ZFHX2: variants seen among roughly 807,000 people sequenced by gnomAD.
The protein encoded by ZFHX2 is zinc finger homeobox 2, also known as zinc finger homeobox protein 2.
Under a neutral mutation model 164.8 loss-of-function variants are expected in ZFHX2, and 75 were observed. The observed-to-expected ratio is 0.46, with a 90% confidence interval of 0.38 to 0.55. The LOEUF (loss-of-function observed/expected upper bound fraction) is 0.55. Among genes scored for constraint, ZFHX2 ranks in the 20% least tolerant of loss-of-function variants. The pLI is 0.00. For missense variants in ZFHX2, 2,933 were observed against 3,308.0 expected, an observed-to-expected ratio of 0.89 and a Z score of 2.78; for synonymous variants, 1,217 against 1,351.4, an observed-to-expected ratio of 0.90 and a Z score of 2.18.
chr14:23,531,666 C>T lies in ZFHX2; in HGVS notation c.2615G>A (p.Cys872Tyr). The change falls in exon 4 of 10, where the codon TGC (cysteine) becomes TAC (tyrosine). Residue 872 changes from cysteine to tyrosine, a missense_variant. Coordinates refer to ENST00000419474, the MANE Select transcript of ZFHX2 (RefSeq NM_033400.3). ...EAGAELGLYHCLLCAWETPSR... is the reference protein window; with the variant it reads ...EAGAELGLYHYLLCAWETPSR... Reference sequence around the variant, plus strand: ...GGGTGTCTCCCACGCACACAACAGGCAGTGGTATAGCCCCAGCTCTGCCCC... The same window carrying T: ...GGGTGTCTCCCACGCACACAACAGGTAGTGGTATAGCCCCAGCTCTGCCCC... 1 of 1,494,770 alleles carries T rather than the reference C, an allele frequency of 6.7e-7. No homozygotes were observed. Among genetic ancestry groups the T allele is most frequent in the Non-Finnish European group, 8.9e-7 (1 of 1,122,516 alleles). 92.6% of individuals were successfully genotyped at this position (1,494,770 alleles called of 1,614,324 possible). A position where few individuals can be genotyped will look rare whatever the true frequency, so the allele number is the denominator to read the frequency against.
In ZFHX2 at chr14:23,524,661, C is replaced by A. The variant is rs192759008; in HGVS notation, c.5281G>T (p.Ala1761Ser). ...KAGGKEPEEK[A>S]TPSPSPAHTC... ...TGGGCTGGGGAAGGTGATGGAGTAG[C>A]CTTCTCTTCAGGCTCTTTGCCTCCT... Residue 1761 changes from alanine to serine, a missense_variant, in exon 9 of 10, where the codon GCT (alanine) becomes TCT (serine). Coordinates refer to ENST00000419474, the MANE Select transcript of ZFHX2 (RefSeq NM_033400.3). The surrounding 1 kb of genome is among the most constrained non-coding windows in gnomAD (Gnocchi z 5.6). The A allele has an allele frequency of 1.3e-6, 2 of 1,536,280 alleles. No individual in the cohort carries two copies. Among genetic ancestry groups the A allele is most frequent in the Non-Finnish European group, 1.7e-6 (2 of 1,146,906 alleles).
At chr14:23,553,417 T>C (rs772456508), upstream of ZFHX2, among the ~76,000 whole-genome samples, 2 of 148,780 alleles carry the variant, frequency 1.3e-5, no homozygotes, top group South Asian at 2.1e-4. Flanking sequence ...CTGACCAACA[T>C]GGTGAAACCC....
chr14:23,546,698 G>A lies in ZFHX2; in HGVS notation c.-50+4645C>T, dbSNP rs141757897. Among the ~76,000 whole-genome samples, 132 of 152,290 alleles carry A rather than the reference G, an allele frequency of 8.7e-4. 1 individual carries two copies. The Middle Eastern group carries it at 0.024, about 27-fold the overall frequency. On this transcript the variant is annotated intron_variant, in intron 1 of 9. Transcript: ENST00000419474. This position sits in a 1 kb window ranked among gnomAD's most constrained non-coding sequence, Gnocchi z 4.7. ...TGGGAAAGTGGGTGGTGGGCTGACCGAGCTTAGTGTGAGGAGCTCGAGAAG... is the reference window on the plus strand; with the variant it reads ...TGGGAAAGTGGGTGGTGGGCTGACCAAGCTTAGTGTGAGGAGCTCGAGAAG...
rs1298535589 is a variant in ZFHX2 at position 23,525,355 on chromosome 14, G to A, written c.4587C>T (p.Pro1529=). Residue 1529 remains proline (P), a synonymous_variant, in exon 9 of 10, where the codon CCC becomes CCT. Coordinates refer to ENST00000419474, the MANE Select transcript of ZFHX2 (RefSeq NM_033400.3). The surrounding 1 kb of genome is among the most constrained non-coding windows in gnomAD (Gnocchi z 5.9). The part of the protein sequence containing the change: ...FRKSYDSLYP[P]LAEPPKPPDG... ...CAGGAGGTTTGGGAGGCTCTGCAAG[G>A]GGCGGGTATAGGCTGTCATAGCTCT... is the stretch of plus-strand genomic sequence containing the variant. The A allele has an allele frequency of 6.5e-7, 1 of 1,536,150 alleles. No individual in the cohort carries two copies. Among genetic ancestry groups the A allele is most frequent in the South Asian group, 1.2e-5 (1 of 84,058 alleles).
In ZFHX2 at chr14:23,522,694, G is replaced by T; in HGVS notation, c.6987C>A (p.Asn2329Lys). 1 of 1,536,632 alleles carries T rather than the reference G, an allele frequency of 6.5e-7. No homozygotes were observed. Among genetic ancestry groups the T allele is most frequent in the Non-Finnish European group, 8.7e-7 (1 of 1,146,956 alleles). The change falls in exon 10 of 10, where the codon AAC becomes AAA. Residue 2329 changes from asparagine (N) to lysine (K), a missense_variant. Physicochemically the swap from Asn to Lys is moderately conservative, Grantham distance 94. Transcript: ENST00000419474. ...GGACAGTGGTCTTCAATGCTTTGAG[G>T]TTCTTGAGGGCATCATTGGAGGAGC... ...PTSSSNDALK[N>K]LKALKTTVPA...
chr14:23,522,461 G>T lies in ZFHX2; in HGVS notation c.7220C>A (p.Pro2407His). Reference protein sequence around the residue: ...PNALLQPPPQPPEPTATAPPK... With the variant: ...PNALLQPPPQHPEPTATAPPK... ...AGGTGCTGTGGCTGTGGGCTCAGGG[G>T]GCTGGGGTGGCGGCTGGAGGAGGGC... is the stretch of plus-strand genomic sequence containing the variant. Residue 2407 changes from proline to histidine, a missense_variant, in exon 10 of 10, where the codon CCC becomes CAC. Pro to His is a moderately conservative substitution (Grantham distance 77). Coordinates refer to ENST00000419474, the MANE Select transcript of ZFHX2 (RefSeq NM_033400.3). 2.0e-6 allele frequency: 3 copies of T among 1,536,132 alleles called. No homozygotes were observed. Among genetic ancestry groups the T allele is most frequent in the Non-Finnish European group, 2.6e-6 (3 of 1,146,736 alleles).
chr14:23,535,245 G>A lies in ZFHX2; in HGVS notation c.81C>T (p.Thr27=), dbSNP rs1426395410. 2.6e-6 allele frequency: 4 copies of A among 1,515,932 alleles called. No individual in the cohort carries two copies. Among genetic ancestry groups the A allele is most frequent in the South Asian group, 1.2e-5 (1 of 82,372 alleles). The allele number at this position is 1,515,932 out of a possible 1,614,324, so 93.9% of individuals were successfully genotyped here. The change falls in exon 2 of 10, where the codon ACC becomes ACT. Residue 27 remains threonine, a synonymous_variant. Transcript: ENST00000419474. This position sits in a 1 kb window ranked among gnomAD's most constrained non-coding sequence, Gnocchi z 4.5. The part of the protein sequence containing the change: ...GHNAPSLPSD[T]FSSSTPSDPV... ...GATCAGAGGGGGTGCTGGAGGAGAA[G>A]GTGTCCGAAGGCAGGGACGGGGCAT...
chr14:23,534,229 G>A lies in ZFHX2; in HGVS notation c.1097C>T (p.Ala366Val). 6.6e-7 allele frequency: 1 copy of A among 1,516,474 alleles called. No homozygotes were observed. The allele number at this position is 1,516,474 out of a possible 1,614,324, so 93.9% of individuals were successfully genotyped here. Reference sequence around the variant, plus strand: ...CCAATCTGGCCCTGCCTCGCCTGCTGCTACTGGCGATTCTTTGGCTTGGGT... The same window carrying A: ...CCAATCTGGCCCTGCCTCGCCTGCTACTACTGGCGATTCTTTGGCTTGGGT... ...SPTQAKESPVAAGEAGPDWFP... is the reference protein window; with the variant it reads ...SPTQAKESPVVAGEAGPDWFP... Residue 366 changes from alanine to valine, a missense_variant, in exon 2 of 10, where the codon GCA becomes GTA. By Grantham distance (64) the Ala-to-Val change is moderately conservative. Coordinates refer to ENST00000419474, the MANE Select transcript of ZFHX2 (RefSeq NM_033400.3). This position sits in a 1 kb window ranked among gnomAD's most constrained non-coding sequence, Gnocchi z 4.5.
chr14:23,540,852 C>T (rs1880724360), intron 1 of ZFHX2, among the ~76,000 whole-genome samples: 1 of 152,178 alleles, frequency 6.6e-6, no homozygotes, highest in Non-Finnish European at 1.5e-5. Context: ...CAGAGTGGAG[C>T]ATGGTGTTTG....
In ZFHX2 at chr14:23,525,558, C is replaced by T. The variant is rs1290328123; in HGVS notation, c.4384G>A (p.Val1462Met). The stretch of plus-strand genomic sequence containing the variant: ...GGGGGTGGGGTAGGGGGAGGGGGCA[C>T]AGCTTGCTTCCCTTCATTGTACTGG... ...VIQYNEGKQAVPPPPTPPPPE... is the reference protein window; with the variant it reads ...VIQYNEGKQAMPPPPTPPPPE... Residue 1462 changes from valine (V) to methionine (M), a missense_variant, in exon 9 of 10, where the codon GTG (valine) becomes ATG (methionine). Coordinates refer to ENST00000419474, the MANE Select transcript of ZFHX2 (RefSeq NM_033400.3). The surrounding 1 kb of genome is among the most constrained non-coding windows in gnomAD (Gnocchi z 5.9). 6.5e-7 allele frequency: 1 copy of T among 1,535,158 alleles called. No homozygotes were observed. The highest frequency in any genetic ancestry group is 8.7e-7 in the Non-Finnish European group (1 of 1,146,800).
chr14:23,523,155 GA>G lies in ZFHX2; in HGVS notation c.6739+47del, dbSNP rs754756492. On this transcript the variant is annotated intron_variant, in intron 9 of 9. Coordinates refer to ENST00000419474, the MANE Select transcript of ZFHX2 (RefSeq NM_033400.3). This position sits in a 1 kb window ranked among gnomAD's most constrained non-coding sequence, Gnocchi z 4.1. ...AAGGAAAAGGAAGGGCATGTCATTA[GA>G]GGGGGATGTTCTCTGAAGTCCAGCT... 2.1e-6 allele frequency: 3 copies of G among 1,411,214 alleles called. No homozygotes were observed. Among genetic ancestry groups the G allele is most frequent in the Non-Finnish European group, 2.8e-6 (3 of 1,088,406 alleles). The allele number at this position is 1,411,214 out of a possible 1,614,324, so 87.4% of individuals were successfully genotyped here.
intron 9 of ZFHX2, 45 bp from the exon 10 acceptor site, chr14:23,522,986 C>T (rs1288747200): frequency 2.8e-6 from 4 of 1,425,856 alleles, no homozygotes; most frequent in East Asian, 2.5e-5. Context: ...ATCTCCTGTC[C>T]CATCATTCTT....
Position 23,521,773 on chromosome 14 carries a change from G to A in ZFHX2, c.*189C>T. 1.0e-6 allele frequency: 1 copy of A among 1,001,982 alleles called. No homozygotes were observed. The highest frequency in any genetic ancestry group is 1.4e-6 in the Non-Finnish European group (1 of 708,682). 62.1% of individuals were successfully genotyped at this position (1,001,982 alleles called of 1,614,324 possible). On this transcript the variant is annotated 3_prime_UTR_variant, in exon 10 of 10. Coordinates refer to ENST00000419474, the MANE Select transcript of ZFHX2 (RefSeq NM_033400.3). ...GAGGATCAATGTGTGTGTCTGTGGG[G>A]ATTGGGAGGAGGCAGGACTCTGCTG...
chr14:23,531,607 G>T lies in ZFHX2; in HGVS notation c.2674C>A (p.Pro892Thr), dbSNP rs1347171394. Residue 892 changes from proline to threonine, a missense_variant, in exon 4 of 10, where the codon CCT (proline) becomes ACT (threonine). Physicochemically the swap from Pro to Thr is conservative, Grantham distance 38. Coordinates refer to ENST00000419474, the MANE Select transcript of ZFHX2 (RefSeq NM_033400.3). ...RLAVLQHLRT[P>T]AHRDAQAQRR... ...TGGGCCTGGGCATCGCGGTGGGCAG[G>T]TGTGCGCAGGTGTTGCAGCACAGCC... 1.3e-6 allele frequency: 2 copies of T among 1,525,068 alleles called. No individual in the cohort carries two copies. The highest frequency in any genetic ancestry group is 1.8e-6 in the Non-Finnish European group (2 of 1,140,190). 94.5% of individuals were successfully genotyped at this position (1,525,068 alleles called of 1,614,324 possible). A position where few individuals can be genotyped will look rare whatever the true frequency, so the allele number is the denominator to read the frequency against.
Position 23,527,925 on chromosome 14 carries a change from T to C in ZFHX2, c.2935-121A>G, listed in dbSNP as rs953369299. ...CCTTTTTTTTTTTTTTTTTTTTTTT[T>C]AGATGGAGTCTGGCTCTGTCACCCA... On this transcript the variant is annotated intron_variant, in intron 6 of 9. Transcript: ENST00000419474. The C allele has an allele frequency of 6.7e-6, 5 of 749,392 alleles. No homozygotes were observed. The South Asian group carries it at 7.5e-5, about 11-fold the overall frequency. 46.4% of individuals were successfully genotyped at this position (749,392 alleles called of 1,614,324 possible).
At chr14:23,554,868 T>G (rs1165887715), upstream of ZFHX2, among the ~76,000 whole-genome samples, 1 of 152,142 alleles carries the variant, frequency 6.6e-6, no homozygotes, top group Non-Finnish European at 1.5e-5. Flanking sequence ...ACATGGAAGG[T>G]CAGACATATA....
In ZFHX2 at chr14:23,526,194, A is replaced by T. The variant is rs2138691325; in HGVS notation, c.3748T>A (p.Cys1250Ser). Residue 1250 changes from cysteine (C) to serine (S), a missense_variant, in exon 9 of 10, where the codon TGC (cysteine) becomes AGC (serine). By Grantham distance (112) the Cys-to-Ser change is moderately radical. Transcript: ENST00000419474. ...TTGTAGGAGACTCTGCAGACTGTGC[A>T]CTTAAAGGGCTTGTCTGTGGCAGCA... The part of the protein sequence containing the change: ...TTAATDKPFK[C>S]TVCRVSYNQS... The T allele has an allele frequency of 6.5e-7, 1 of 1,536,480 alleles. No homozygotes were observed. The highest frequency in any genetic ancestry group is 2.4e-5 in the East Asian group (1 of 40,898).
In ZFHX2 at chr14:23,535,291, G is replaced by A; in HGVS notation, c.35C>T (p.Thr12Ile). 6.8e-7 allele frequency: 1 copy of A among 1,476,944 alleles called. No homozygotes were observed. Among genetic ancestry groups the A allele is most frequent in the Non-Finnish European group, 9.0e-7 (1 of 1,113,542 alleles). The allele number at this position is 1,476,944 out of a possible 1,614,324, so 91.5% of individuals were successfully genotyped here. ...ATLNSASTTGTTPSPGHNAPS... is the reference protein window; with the variant it reads ...ATLNSASTTGITPSPGHNAPS... ...GGCATTGTGCCCAGGGGAGGGGGTG[G>A]TACCAGTGGTAGAGGCTGAGTTAAG... The change falls in exon 2 of 10, where the codon ACC becomes ATC. Residue 12 changes from threonine (T) to isoleucine (I), a missense_variant. By Grantham distance (89) the Thr-to-Ile change is moderately conservative (BLOSUM62 -1). Transcript: ENST00000419474. The surrounding 1 kb of genome is among the most constrained non-coding windows in gnomAD (Gnocchi z 4.5).
In ZFHX2 at chr14:23,527,710, C is replaced by T; in HGVS notation, c.3029G>A (p.Arg1010Lys). The stretch of plus-strand genomic sequence containing the variant: ...CAGCTGTTCCTGGCACAGTGGGCAT[C>T]TGTACTTGGGCTGCACTGCATGCTG... Reference protein sequence around the residue: ...LSQHAVQPKYRCPLCQEQLVG... With the variant: ...LSQHAVQPKYKCPLCQEQLVG... Residue 1010 changes from arginine to lysine, a missense_variant, in exon 7 of 10, where the codon AGA becomes AAA. Physicochemically the swap from Arg to Lys is conservative, Grantham distance 26. Coordinates refer to ENST00000419474, the MANE Select transcript of ZFHX2 (RefSeq NM_033400.3). 6.5e-7 allele frequency: 1 copy of T among 1,536,210 alleles called. No homozygotes were observed. Among genetic ancestry groups the T allele is most frequent in the Non-Finnish European group, 8.7e-7 (1 of 1,146,924 alleles).
Sources: gnomAD v4.1 joint callset for allele counts (sites outside exome capture counted in the v4.1 genomes callset) on GRCh38, gnomAD v4.1.1 for gene constraint, Gnocchi (gnomAD v3.1) non-coding constraint, MANE v1.5 for transcripts, NCBI Gene and HGNC (gene_info 2026-07-23, HGNC 2026-07-21) for gene names.